Variants in CTDSPL2 observed in about 807,000 individuals in gnomAD.
The protein encoded by CTDSPL2 is CTD small phosphatase like 2, also known as CTD small phosphatase-like protein 2.
CTDSPL2 carries 5 observed loss-of-function variants against 60.0 expected under a neutral mutation model. That is an observed-to-expected ratio of 0.08 (90% CI 0.04 to 0.18). The LOEUF (loss-of-function observed/expected upper bound fraction) is 0.18. Among genes scored for constraint, CTDSPL2 ranks in the 10% least tolerant of loss-of-function variants. The pLI is 1.00. For synonymous variants in CTDSPL2, 186 were observed against 189.3 expected (o/e 0.98, Z 0.14); for missense variants, 370 against 548.8 (o/e 0.67, Z 3.26).
intron 4 of CTDSPL2, among the ~76,000 whole-genome samples, chr15:44,489,924 T>G (rs1027318481): frequency 5.9e-5 from 9 of 152,168 alleles, no homozygotes; most frequent in African/African-American, 1.9e-4. Context: ...TGAATTCTGA[T>G]TCAATTAGTA....
intron 2 of CTDSPL2, among the ~76,000 whole-genome samples, chr15:44,473,141 A>G (rs2080845112): frequency 6.6e-6 from 1 of 152,086 alleles, no homozygotes; most frequent in Non-Finnish European, 1.5e-5. Context: ...TTTCAGAGAT[A>G]TGCAAATATT....
intron 2 of CTDSPL2, among the ~76,000 whole-genome samples, chr15:44,479,979 C>G (rs1567083932): frequency 6.6e-6 from 1 of 151,984 alleles, no homozygotes; most frequent in Non-Finnish European, 1.5e-5. Flanking sequence ...ATTGGTGATG[C>G]TTTTTGAGTT....
At chr15:44,478,208 G>A (rs1322788938) in intron 2 of CTDSPL2, among the ~76,000 whole-genome samples, 1 of 152,018 alleles carries the variant, frequency 6.6e-6, no homozygotes, top group Non-Finnish European at 1.5e-5. Flanking sequence ...GCACTTTTGG[G>A]AGGCTGAGGC....
At chr15:44,501,152 CTTG>C (rs1252971296) in intron 8 of CTDSPL2, among the ~76,000 whole-genome samples, 1 of 151,772 alleles carries the variant, frequency 6.6e-6, no homozygotes. Context: ...GCTCGATAAC[CTTG>C]TTGGGGTTTT....
intron 1 of CTDSPL2, among the ~76,000 whole-genome samples, chr15:44,451,352 C>G (rs1344789006): frequency 6.6e-6 from 1 of 151,990 alleles, no homozygotes; most frequent in Non-Finnish European, 1.5e-5. Flanking sequence ...TCAAGCAATC[C>G]TCCCGCCTCA....
intron 1 of CTDSPL2, among the ~76,000 whole-genome samples, chr15:44,453,122 T>C (rs1006820935): frequency 6.6e-6 from 1 of 152,248 alleles, no homozygotes; most frequent in South Asian, 2.1e-4. Context: ...TTCTTTTTAA[T>C]ATGGATTTCT....
At chr15:44,456,366 G>C (rs983438237) in intron 1 of CTDSPL2, among the ~76,000 whole-genome samples, 15 of 152,090 alleles carry the variant, frequency 9.9e-5, no homozygotes, top group Admixed American at 2.0e-4. Context: ...GAATCCATCT[G>C]GTCCTGGACT....
chr15:44,492,151 G>A (rs2081226321), intron 5 of CTDSPL2, among the ~76,000 whole-genome samples: 1 of 152,004 alleles, frequency 6.6e-6, no homozygotes, highest in African/African-American at 2.4e-5. Context: ...TTACAACTGT[G>A]AGCCATTGCG....
chr15:44,502,388 A>G (rs549500241), intron 8 of CTDSPL2, among the ~76,000 whole-genome samples: 13 of 152,122 alleles, frequency 8.5e-5, no homozygotes, highest in African/African-American at 2.9e-4. Flanking sequence ...AACTAATTTT[A>G]ACTCTACATG....
chr15:44,452,410 ACAC>A (rs2140670428), intron 1 of CTDSPL2, among the ~76,000 whole-genome samples: 1 of 152,266 alleles, frequency 6.6e-6, no homozygotes, highest in African/African-American at 2.4e-5. Context: ...TTACATGAAA[ACAC>A]CACAGTATTC....
intron 8 of CTDSPL2, among the ~76,000 whole-genome samples, chr15:44,502,637 C>T (rs1312574568): frequency 6.6e-6 from 1 of 152,116 alleles, no homozygotes; most frequent in African/African-American, 2.4e-5. Flanking sequence ...CAGTGGCAGG[C>T]TGCATTTGGC....
At position 44,451,356 on chromosome 15, in the gene CTDSPL2, C is replaced by T. The variant is rs553951380; in HGVS notation, c.-24-7635C>T. Among the ~76,000 whole-genome samples, 7 of 151,992 alleles carry T rather than the reference C, an allele frequency of 4.6e-5. No homozygotes were observed. The South Asian group carries it at 8.3e-4, about 18-fold the overall frequency. On this transcript the variant is annotated intron_variant, in intron 1 of 12. Transcript: ENST00000260327. ...AATTCCTGGGCTCAAGCAATCCTCCCGCCTCAGCCTCCCAAAGCCCTGGGA... is the reference window on the plus strand; with the variant it reads ...AATTCCTGGGCTCAAGCAATCCTCCTGCCTCAGCCTCCCAAAGCCCTGGGA...
chr15:44,448,321 CTGTG>C, intron 1 of CTDSPL2: 1 of 268,710 alleles, frequency 3.7e-6, no homozygotes, highest in South Asian at 4.0e-5. Flanking sequence ...CATGCGCTCC[CTGTG>C]GGAGCCTTTG....
chr15:44,508,136 A>T (rs576555319), intron 8 of CTDSPL2, among the ~76,000 whole-genome samples: 50 of 151,108 alleles, frequency 3.3e-4, no homozygotes, highest in African/African-American at 1.2e-3. Context: ...AGGCTAGAGT[A>T]CAGTGACATG....
At chr15:44,512,311 G>A (rs2081581233) in intron 8 of CTDSPL2, among the ~76,000 whole-genome samples, 1 of 152,148 alleles carries the variant, frequency 6.6e-6, no homozygotes, top group Non-Finnish European at 1.5e-5. Context: ...TGTATATGGA[G>A]CAAGTGATAA....
In CTDSPL2 at chr15:44,427,878, C is replaced by G. The variant is rs916260183; in HGVS notation, c.-25+106C>G. The G allele has an allele frequency of 5.9e-5, 23 of 390,786 alleles. No individual in the cohort carries two copies. The South Asian group carries it at 8.6e-4, about 15-fold the overall frequency. 24.2% of individuals were successfully genotyped at this position (390,786 alleles called of 1,614,324 possible). The stretch of plus-strand genomic sequence containing the variant: ...TCCCCTTCTAAACCTGGTCCTCCAG[C>G]GGCTCTGGCGCCTTGGTAGGCATGC... On this transcript the variant is annotated intron_variant, in intron 1 of 12. Transcript: ENST00000260327.
At chr15:44,509,259 T>C (rs996753189) in intron 8 of CTDSPL2, among the ~76,000 whole-genome samples, 1 of 152,098 alleles carries the variant, frequency 6.6e-6, no homozygotes, top group African/African-American at 2.4e-5. Context: ...TGGAGTGCAG[T>C]GGTGTGATCT....
intron 5 of CTDSPL2, among the ~76,000 whole-genome samples, chr15:44,492,052 A>T (rs904635172): frequency 2.6e-5 from 4 of 151,908 alleles, no homozygotes; most frequent in Non-Finnish European, 5.9e-5. Context: ...AACTTTTAGT[A>T]GAGACCAGGT....
At chr15:44,447,234 C>T (rs889308727) in intron 1 of CTDSPL2, among the ~76,000 whole-genome samples, 4 of 152,144 alleles carry the variant, frequency 2.6e-5, no homozygotes, top group Non-Finnish European at 5.9e-5. Context: ...CAGTGCCTTG[C>T]ACATAGGAAC....
Sources: gnomAD v4.1 joint callset for allele counts (sites outside exome capture counted in the v4.1 genomes callset) on GRCh38, gnomAD v4.1.1 for gene constraint, MANE v1.5 for transcripts, NCBI Gene and HGNC (gene_info 2026-07-23, HGNC 2026-07-21) for gene names.